The following SOX6 variants were observed in gnomAD, a reference collection of about 807,000 sequenced individuals.
The protein encoded by SOX6 is SRY-box transcription factor 6.
A neutral mutation model predicts 97.8 loss-of-function variants in SOX6; 11 were observed. That is an observed-to-expected ratio of 0.11 (90% CI 0.07 to 0.19). SOX6 has a LOEUF of 0.19. SOX6 is among the 10% of genes least tolerant of loss of function. SOX6 has a pLI of 1.00. For missense variants in SOX6, 810 were observed against 1,039.5 expected, an observed-to-expected ratio of 0.78 and a Z score of 3.04; for synonymous variants, 360 against 371.4, an observed-to-expected ratio of 0.97 and a Z score of 0.35.
intron 1 of SOX6, among the ~76,000 whole-genome samples, chr11:16,411,059 G>C (rs1276569476): frequency 1.3e-5 from 2 of 151,870 alleles, no homozygotes; most frequent in African/African-American, 2.4e-5. Context: ...GTCAGAGAAG[G>C]CTCTTCCTAG....
chr11:16,646,010 CTG>C (rs1294697070), intron 3 of SOX6: 4 of 152,140 alleles, frequency 2.6e-5, no homozygotes. Flanking sequence ...GGCTGTGACT[CTG>C]TTGGGCTCTA....
intron 7 of SOX6, among the ~76,000 whole-genome samples, chr11:16,108,559 A>AGAGC (rs200725746): frequency 0.037 from 5,585 of 152,332 alleles, 127 homozygotes; most frequent in Middle Eastern, 0.14. Context: ...CAAAGCAACC[A>AGAGC]AAAGTCTGTG....
At chr11:16,292,211 A>G (rs1854937220) in intron 3 of SOX6, among the ~76,000 whole-genome samples, 2 of 152,188 alleles carry the variant, frequency 1.3e-5, no homozygotes, top group Non-Finnish European at 2.9e-5. Context: ...AACTGAAAGT[A>G]TATTTTCAGC....
At chr11:16,083,743 T>C (rs1848522148) in intron 9 of SOX6, among the ~76,000 whole-genome samples, 1 of 152,218 alleles carries the variant, frequency 6.6e-6, no homozygotes, top group African/African-American at 2.4e-5. Context: ...AATTATAAGA[T>C]TTATATAGCA....
chr11:16,264,152 C>T (rs1853994494), intron 3 of SOX6, among the ~76,000 whole-genome samples: 1 of 151,808 alleles, frequency 6.6e-6, no homozygotes, highest in African/African-American at 2.4e-5. Context: ...CACTCAACTA[C>T]TAATCCCCAT....
chr11:16,058,708 T>C (rs575542863), intron 9 of SOX6, among the ~76,000 whole-genome samples: 30 of 152,168 alleles, frequency 2.0e-4, no homozygotes, highest in Admixed American at 2.6e-4. Flanking sequence ...AAGAATCTCA[T>C]AGTCTGGTCT....
chr11:16,285,170 A>G (rs1854695368), intron 3 of SOX6, among the ~76,000 whole-genome samples: 2 of 152,326 alleles, frequency 1.3e-5, no homozygotes, highest in South Asian at 4.1e-4. Flanking sequence ...ATATCAAATA[A>G]CTAGACTACA....
chr11:16,040,243 T>C (rs1267203705), intron 12 of SOX6, among the ~76,000 whole-genome samples: 2 of 152,054 alleles, frequency 1.3e-5, no homozygotes, highest in East Asian at 1.9e-4. Flanking sequence ...TGTACACTTA[T>C]ATATAAATTC....
chr11:16,510,056 A>G (rs1565167025), intron 4 of SOX6, among the ~76,000 whole-genome samples: 1 of 152,088 alleles, frequency 6.6e-6, no homozygotes, highest in African/African-American at 2.4e-5. Context: ...TTTCTATATA[A>G]TGAAGCATGT....
intron 12 of SOX6, among the ~76,000 whole-genome samples, chr11:16,037,714 T>C (rs1206413353): frequency 6.6e-6 from 1 of 152,164 alleles, no homozygotes; most frequent in Non-Finnish European, 1.5e-5. Flanking sequence ...CCAAAACACA[T>C]GCTCTCTTCA....
chr11:16,573,744 C>T (rs1196829637), intron 4 of SOX6, among the ~76,000 whole-genome samples: 11 of 152,266 alleles, frequency 7.2e-5, no homozygotes, highest in African/African-American at 2.6e-4. Context: ...TTGTGTAACA[C>T]TATGAGGGCA....
chr11:16,706,019 C>T (rs1397094840), intron 3 of SOX6, among the ~76,000 whole-genome samples: 2 of 152,024 alleles, frequency 1.3e-5, no homozygotes, highest in Non-Finnish European at 2.9e-5. Flanking sequence ...ATTCAACTCT[C>T]TAATTGAAAG....
At chr11:16,574,602 T>C (rs1847965557) in intron 4 of SOX6, among the ~76,000 whole-genome samples, 1 of 151,966 alleles carries the variant, frequency 6.6e-6, no homozygotes, top group Non-Finnish European at 1.5e-5. Flanking sequence ...GATCAATAAC[T>C]ATACAACAAT....
At chr11:16,225,109 A>G (rs1307517415) in intron 4 of SOX6, among the ~76,000 whole-genome samples, 1 of 152,102 alleles carries the variant, frequency 6.6e-6, no homozygotes, top group Non-Finnish European at 1.5e-5. Context: ...CTCTAGATCA[A>G]TATAGCATTT....
chr11:16,170,970 C>T (rs1370638067), intron 6 of SOX6, among the ~76,000 whole-genome samples: 1 of 151,920 alleles, frequency 6.6e-6, no homozygotes, highest in East Asian at 1.9e-4. Flanking sequence ...TTAGACCTAC[C>T]CTTATCCAAA....
intron 4 of SOX6, among the ~76,000 whole-genome samples, chr11:16,207,793 T>C (rs1489542239): frequency 6.7e-6 from 1 of 148,402 alleles, no homozygotes. Context: ...AAATATAATT[T>C]TTTAAAACTA....
chr11:16,113,248 C>G (rs1215478854), intron 6 of SOX6, among the ~76,000 whole-genome samples: 2 of 151,986 alleles, frequency 1.3e-5, no homozygotes, highest in Non-Finnish European at 2.9e-5. Flanking sequence ...AAAGGGCAAG[C>G]AAAAAATAAA....
intron 1 of SOX6, among the ~76,000 whole-genome samples, chr11:16,456,215 A>G (rs1276185535): frequency 2.0e-5 from 3 of 151,968 alleles, no homozygotes; most frequent in African/African-American, 7.2e-5. Flanking sequence ...AGATAACTAA[A>G]CTCATTTTAG....
rs1241634741 is a variant in SOX6, at chr11:16,111,818, T to C, written c.883A>G (p.Ile295Val). ...AQQGFLFPPGITYKPGDNYPV... is the reference protein window; with the variant it reads ...AQQGFLFPPGVTYKPGDNYPV... ...CTCTACTTACCTGGTTTGTATGTTATTCCAGGGGGGAAGAGGAATCCCTGT... is the reference window on the plus strand; with the variant it reads ...CTCTACTTACCTGGTTTGTATGTTACTCCAGGGGGGAAGAGGAATCCCTGT... Residue 295 changes from isoleucine (I) to valine (V), a missense_variant, in exon 7 of 16, where the codon ATA (isoleucine) becomes GTA (valine). Around this residue, in one of 9 missense-constraint regions of SOX6, gnomAD observed 244 missense variants for 261.0 expected, o/e 0.93. Transcript: ENST00000683767. The C allele has an allele frequency of 1.2e-6, 2 of 1,613,162 alleles. No individual in the cohort carries two copies. Among genetic ancestry groups the C allele is most frequent in the South Asian group, 1.1e-5 (1 of 91,044 alleles).
Sources: allele counts gnomAD v4.1 joint callset (sites outside exome capture counted in the v4.1 genomes callset), GRCh38; gene constraint gnomAD v4.1.1; regional missense constraint gnomAD v4.1.1; transcripts MANE v1.5; gene names NCBI Gene and HGNC (gene_info 2026-07-23, HGNC 2026-07-21).